ANXA8: variants seen among roughly 807,000 people sequenced by gnomAD.
ANXA8 encodes annexin A8.
A neutral mutation model predicts 26.8 loss-of-function variants in ANXA8; 9 were observed. That is an observed-to-expected ratio of 0.34 (90% CI 0.20 to 0.59). The LOEUF (loss-of-function observed/expected upper bound fraction) is 0.59. Among genes scored for constraint, ANXA8 ranks in the 20% least tolerant of loss-of-function variants. The pLI, the probability that ANXA8 is intolerant of heterozygous loss-of-function variation, is 0.84. For synonymous variants in ANXA8, 39 were observed against 94.8 expected (o/e 0.41, Z 3.42); for missense variants, 83 against 238.5 (o/e 0.35, Z 4.29).
chr10:47,672,392 T>A, the ANXA8 span, among the ~76,000 whole-genome samples: 2 of 151,932 alleles, frequency 1.3e-5, no homozygotes, highest in African/African-American at 4.8e-5. Flanking sequence ...CACAGGTTCT[T>A]TTTTGGTAAG....
the ANXA8 span, among the ~76,000 whole-genome samples, chr10:47,778,952 G>A: frequency 6.6e-6 from 1 of 151,468 alleles, no homozygotes; most frequent in African/African-American, 2.4e-5. Flanking sequence ...GCTGATTTCT[G>A]CCTACATTAT....
the ANXA8 span, among the ~76,000 whole-genome samples, chr10:47,743,329 C>CACATAT: frequency 7.7e-4 from 37 of 47,780 alleles, 1 homozygote; most frequent in Admixed American, 3.0e-3. Context: ...TATATATATA[C>CACATAT]ATATATATAT....
the ANXA8 span, among the ~76,000 whole-genome samples, chr10:47,761,204 T>TA: frequency 2.0e-5 from 3 of 149,856 alleles, no homozygotes; most frequent in Non-Finnish European, 4.4e-5. Flanking sequence ...TTCTGCCACT[T>TA]ACTAATTGTG....
the ANXA8 span, among the ~76,000 whole-genome samples, chr10:47,645,772 A>C: frequency 6.7e-6 from 1 of 150,010 alleles, no homozygotes; most frequent in Non-Finnish European, 1.5e-5. Context: ...CCTCACCAAT[A>C]TCTATGGGCA....
the ANXA8 span, among the ~76,000 whole-genome samples, chr10:47,600,237 C>T: frequency 2.7e-5 from 4 of 149,668 alleles, no homozygotes; most frequent in Admixed American, 2.0e-4. Context: ...CCAATGCCAC[C>T]CTTTGAATCG....
the ANXA8 span, among the ~76,000 whole-genome samples, chr10:47,489,219 C>T: frequency 7.4e-6 from 1 of 135,936 alleles, no homozygotes; most frequent in African/African-American, 2.7e-5. Flanking sequence ...GGGGTTTCAC[C>T]GTGTTAGCCA....
At chr10:47,702,342 TC>T in the ANXA8 span, among the ~76,000 whole-genome samples, 8 of 149,176 alleles carry the variant, frequency 5.4e-5, no homozygotes, top group East Asian at 1.6e-3. Context: ...TCTTTTCTTT[TC>T]TTTTTTTTTT....
chr10:47,684,617 G>A, the ANXA8 span, among the ~76,000 whole-genome samples: 145 of 151,710 alleles, frequency 9.6e-4, no homozygotes, highest in African/African-American at 3.3e-3. Context: ...ACAGAGTCTC[G>A]CTCTGTTGTC....
chr10:47,617,049 TAC>T, the ANXA8 span, among the ~76,000 whole-genome samples: 2 of 72,620 alleles, frequency 2.8e-5, no homozygotes, highest in Admixed American at 2.9e-4. Context: ...GTCATATATA[TAC>T]ATATAAATTA....
At chr10:47,957,305 C>G in the ANXA8 span, among the ~76,000 whole-genome samples, 2 of 150,550 alleles carry the variant, frequency 1.3e-5, no homozygotes, top group East Asian at 4.1e-4. Flanking sequence ...ACCCAGGACC[C>G]CAGCTAGCCT....
the ANXA8 span, among the ~76,000 whole-genome samples, chr10:47,592,950 A>G: frequency 7.3e-6 from 1 of 136,648 alleles, no homozygotes. Flanking sequence ...GGGAAAGCCT[A>G]GTTGGTTGGG....
chr10:47,698,769 A>T, the ANXA8 span, among the ~76,000 whole-genome samples: 1 of 152,108 alleles, frequency 6.6e-6, no homozygotes, highest in Non-Finnish European at 1.5e-5. Flanking sequence ...TTGAGGCTGC[A>T]GTGAGCCATG....
At chr10:47,681,364 T>C in the ANXA8 span, among the ~76,000 whole-genome samples, 1 of 151,100 alleles carries the variant, frequency 6.6e-6, no homozygotes, top group Non-Finnish European at 1.5e-5. Context: ...AAGTTCTTTT[T>C]TTTTTTTTAA....
the ANXA8 span, among the ~76,000 whole-genome samples, chr10:47,957,594 G>A: frequency 6.7e-6 from 1 of 149,768 alleles, no homozygotes; most frequent in Non-Finnish European, 1.5e-5. Context: ...TCTTAGGGCT[G>A]CCGTAACAAA....
At chr10:47,713,096 C>A in the ANXA8 span, among the ~76,000 whole-genome samples, 2 of 150,420 alleles carry the variant, frequency 1.3e-5, no homozygotes, top group East Asian at 3.9e-4. Flanking sequence ...CCGCACCCGG[C>A]CAGCATAATG....
At chr10:47,626,629 A>G in the ANXA8 span, among the ~76,000 whole-genome samples, 2 of 150,154 alleles carry the variant, frequency 1.3e-5, no homozygotes, top group Admixed American at 6.6e-5. Context: ...CCACATACAT[A>G]ATTAAAACAC....
chr10:47,977,654 C>A, the ANXA8 span, among the ~76,000 whole-genome samples: 6 of 151,390 alleles, frequency 4.0e-5, no homozygotes, highest in Admixed American at 3.3e-4. Flanking sequence ...AAATAAAATT[C>A]TGGGTTGAAA....
At chr10:47,680,240 A>C in the ANXA8 span, among the ~76,000 whole-genome samples, 1 of 151,904 alleles carries the variant, frequency 6.6e-6, no homozygotes, top group Admixed American at 6.6e-5. Context: ...AGTATAGTTA[A>C]GAGTAAAATA....
At chr10:47,596,892 C>T in the ANXA8 span, among the ~76,000 whole-genome samples, 5 of 147,854 alleles carry the variant, frequency 3.4e-5, 1 homozygote, top group Admixed American at 1.3e-4. Context: ...GAGAGATTCT[C>T]CTCTAACTTA....
Sources: gnomAD v4.1 joint callset for allele counts (sites outside exome capture counted in the v4.1 genomes callset) on GRCh38, gnomAD v4.1.1 for gene constraint, MANE v1.5 for transcripts, NCBI Gene and HGNC (gene_info 2026-07-23, HGNC 2026-07-21) for gene names.